KAZN: variants seen among roughly 807,000 people sequenced by gnomAD.
The protein encoded by KAZN is kazrin, periplakin interacting protein.
Under a neutral mutation model 87.4 loss-of-function variants are expected in KAZN, and 40 were observed. That is an observed-to-expected ratio of 0.46 (90% CI 0.36 to 0.60). The LOEUF (loss-of-function observed/expected upper bound fraction) is 0.60, where lower values mean the gene tolerates loss of function less well. Ranked by LOEUF, KAZN falls within the 20% of genes least tolerant of loss-of-function variation. The pLI is 0.00. For synonymous variants in KAZN, 466 were observed against 458.3 expected (o/e 1.02, Z -0.22); for missense variants, 898 against 1,073.9 (o/e 0.84, Z 2.29).
chr1:14,457,840 C>T (rs1412770574), intron 2 of KAZN, among the ~76,000 whole-genome samples: 3 of 139,448 alleles, frequency 2.2e-5, no homozygotes, highest in Admixed American at 7.3e-5. Flanking sequence ...TTTTTTGAAA[C>T]GGAATCTCGC....
At chr1:14,609,475 G>A (rs925587269) in intron 1 of KAZN, among the ~76,000 whole-genome samples, 4 of 152,242 alleles carry the variant, frequency 2.6e-5, no homozygotes, top group African/African-American at 7.2e-5. Context: ...GTTTAAACTC[G>A]GCTGATCAAC....
At chr1:14,660,757 G>A (rs1003902140) in intron 1 of KAZN, among the ~76,000 whole-genome samples, 45 of 152,180 alleles carry the variant, frequency 3.0e-4, no homozygotes, top group African/African-American at 1.0e-3. Flanking sequence ...ACTCCACAGC[G>A]AAATAACCAG....
chr1:15,041,389 G>C (rs1672916285), intron 3 of KAZN, among the ~76,000 whole-genome samples: 1 of 145,800 alleles, frequency 6.9e-6, no homozygotes, highest in Non-Finnish European at 1.5e-5. Context: ...CCGGGTTGGA[G>C]TGCAATGGCG....
chr1:14,635,746 A>G (rs545989891), intron 1 of KAZN, among the ~76,000 whole-genome samples: 1 of 152,322 alleles, frequency 6.6e-6, no homozygotes, highest in Non-Finnish European at 1.5e-5. Context: ...AGTGGTTCTC[A>G]ACTGGGGCCA....
chr1:15,064,368 G>T (rs1257338917), intron 7 of KAZN, among the ~76,000 whole-genome samples: 1 of 152,172 alleles, frequency 6.6e-6, no homozygotes, highest in Non-Finnish European at 1.5e-5. Context: ...ACAGGGTGGG[G>T]CCTGGAATTC....
At chr1:14,275,394 C>T (rs1652265103) in intron 2 of KAZN, among the ~76,000 whole-genome samples, 2 of 150,568 alleles carry the variant, frequency 1.3e-5, no homozygotes, top group African/African-American at 4.9e-5. Context: ...TATAAAAAGC[C>T]CTCCAGGTAA....
At chr1:14,355,403 TTTA>T (rs1658932189) in intron 2 of KAZN, among the ~76,000 whole-genome samples, 3 of 19,660 alleles carry the variant, frequency 1.5e-4, no homozygotes, top group African/African-American at 3.5e-4. Context: ...AATCTACATA[TTTA>T]TTTATTTATT....
intron 2 of KAZN, among the ~76,000 whole-genome samples, chr1:14,431,083 ATACAT>A (rs1460710195): frequency 6.6e-6 from 1 of 152,242 alleles, no homozygotes; most frequent in Non-Finnish European, 1.5e-5. Context: ...AATTGAATGA[ATACAT>A]TAATGAATGG....
chr1:14,783,354 C>T (rs1645413221), intron 1 of KAZN, among the ~76,000 whole-genome samples: 1 of 152,024 alleles, frequency 6.6e-6, no homozygotes, highest in African/African-American at 2.4e-5. Flanking sequence ...CAGACTGAGC[C>T]ACTGCAAGAG....
At chr1:14,854,258 C>T (rs1363584573) in intron 1 of KAZN, among the ~76,000 whole-genome samples, 1 of 152,196 alleles carries the variant, frequency 6.6e-6, no homozygotes, top group East Asian at 1.9e-4. Context: ...GTGCTTCCAG[C>T]TACCATAGTG....
intron 2 of KAZN, among the ~76,000 whole-genome samples, chr1:14,274,039 C>T (rs966992350): frequency 6.6e-6 from 1 of 152,182 alleles, no homozygotes; most frequent in African/African-American, 2.4e-5. Context: ...TTATGTGTTT[C>T]TTTCCAGGGT....
chr1:14,489,274 A>G (rs1669518333), intron 2 of KAZN, among the ~76,000 whole-genome samples: 1 of 152,114 alleles, frequency 6.6e-6, no homozygotes, highest in South Asian at 2.1e-4. Context: ...CTATATATCT[A>G]TTATACACAT....
Position 14,070,465 on chromosome 1 carries a change from T to C in KAZN, c.92-109970T>C, listed in dbSNP as rs143217028. ...AACAGTCTTGACTTGCAAGAATAATTCAAAGGCAGACAAGCAGCACAGAGT... is the reference window on the plus strand; with the variant it reads ...AACAGTCTTGACTTGCAAGAATAATCCAAAGGCAGACAAGCAGCACAGAGT... On this transcript the variant is annotated intron_variant, in intron 1 of 16. Transcript: ENST00000636203. Among the ~76,000 whole-genome samples, 401 of 152,266 alleles carry C rather than the reference T, an allele frequency of 2.6e-3. 4 individuals carry two copies. Among genetic ancestry groups the C allele is most frequent in the Admixed American group, 0.025 (377 of 15,298 alleles).
chr1:14,961,022 A>G, intron 2 of KAZN, 147 bp downstream of exon 2: 2 of 797,340 alleles, frequency 2.5e-6, no homozygotes, highest in Non-Finnish European at 3.8e-6. Flanking sequence ...CCCTTCTTCG[A>G]GTGGAATTCT....
At chr1:14,111,301 G>T (rs1218767630) in intron 1 of KAZN, among the ~76,000 whole-genome samples, 1 of 134,198 alleles carries the variant, frequency 7.5e-6, no homozygotes, top group African/African-American at 2.9e-5. Flanking sequence ...GATCCTGGCT[G>T]CTGAGCAAGG....
At chr1:14,030,326 A>G (rs1052991956) in intron 1 of KAZN, among the ~76,000 whole-genome samples, 1 of 151,420 alleles carries the variant, frequency 6.6e-6, no homozygotes, top group Admixed American at 6.6e-5. Flanking sequence ...AAACTATCGC[A>G]AGAACAAAAA....
At chr1:14,016,656 C>T (rs1322417654) in intron 1 of KAZN, among the ~76,000 whole-genome samples, 1 of 152,098 alleles carries the variant, frequency 6.6e-6, no homozygotes, top group African/African-American at 2.4e-5. Context: ...ATAAGCTGCT[C>T]CCCAAATAGA....
chr1:14,576,336 G>GGACA (rs1557811055), intron 2 of KAZN, among the ~76,000 whole-genome samples: 1 of 149,878 alleles, frequency 6.7e-6, no homozygotes, highest in Non-Finnish European at 1.5e-5. Context: ...ATGGATGGAC[G>GGACA]GACAGATAAA....
chr1:14,874,168 C>T (rs904491866), intron 1 of KAZN, among the ~76,000 whole-genome samples: 5 of 152,074 alleles, frequency 3.3e-5, no homozygotes, highest in African/African-American at 7.2e-5. Context: ...TTTAAAGCCA[C>T]GATACCAGAC....
Sources: allele counts gnomAD v4.1 joint callset (sites outside exome capture counted in the v4.1 genomes callset), GRCh38; gene constraint gnomAD v4.1.1; transcripts MANE v1.5; gene names NCBI Gene and HGNC (gene_info 2026-07-23, HGNC 2026-07-21).